The following SUCLG2 variants were observed in gnomAD, a reference collection of about 807,000 sequenced individuals.
SUCLG2 encodes succinate--CoA ligase [GDP-forming] subunit beta, mitochondrial.
Under a neutral mutation model 47.9 loss-of-function variants are expected in SUCLG2, and 42 were observed. The ratio of observed to expected loss-of-function variants is 0.88; its 90% CI spans 0.69 to 1.14. The LOEUF is 1.14. Ranked by LOEUF, SUCLG2 falls within the 50% of genes most tolerant of loss-of-function variation. The probability of loss-of-function intolerance (pLI) is 0.00; values close to 1 mark genes in which losing one functional copy is unlikely to be tolerated. For missense variants in SUCLG2, 571 were observed against 525.9 expected (o/e 1.09, Z -0.84); for synonymous variants, 195 against 197.3 (o/e 0.99, Z 0.10).
At chr3:67,399,389 G>C (rs188043009) in intron 10 of SUCLG2, among the ~76,000 whole-genome samples, 8 of 152,222 alleles carry the variant, frequency 5.3e-5, no homozygotes, top group Admixed American at 2.6e-4. Context: ...TTGGAATAAA[G>C]ACTGACACAC....
intron 1 of SUCLG2, among the ~76,000 whole-genome samples, chr3:67,616,271 T>C (rs1700626910): frequency 6.6e-6 from 1 of 152,200 alleles, no homozygotes; most frequent in Non-Finnish European, 1.5e-5. Flanking sequence ...GATAACAGCA[T>C]TGACTAATCT....
intron 1 of SUCLG2, among the ~76,000 whole-genome samples, chr3:67,638,140 AT>A (rs953061382): frequency 3.0e-4 from 45 of 152,334 alleles, no homozygotes; most frequent in African/African-American, 1.1e-3. Context: ...AGACTCTATT[AT>A]TTACAAGTTG....
chr3:67,646,728 A>G (rs1381581324), intron 1 of SUCLG2, among the ~76,000 whole-genome samples: 1 of 152,208 alleles, frequency 6.6e-6, no homozygotes, highest in African/African-American at 2.4e-5. Context: ...GCTGAAGGCA[A>G]GAGTTAAACC....
At chr3:67,420,061 TTTA>T (rs2106856402) in intron 9 of SUCLG2, among the ~76,000 whole-genome samples, 2 of 152,302 alleles carry the variant, frequency 1.3e-5, no homozygotes, top group African/African-American at 4.8e-5. Context: ...GTTGGCTTGA[TTTA>T]TTATTATGGT....
intron 10 of SUCLG2, among the ~76,000 whole-genome samples, chr3:67,379,648 A>G (rs371124679): frequency 2.6e-5 from 4 of 152,234 alleles, no homozygotes; most frequent in African/African-American, 9.6e-5. Flanking sequence ...AATGATTTAG[A>G]AATTCATGAG....
chr3:67,363,732 A>G (rs1212013203), intron 10 of SUCLG2, among the ~76,000 whole-genome samples: 1 of 152,146 alleles, frequency 6.6e-6, no homozygotes, highest in Non-Finnish European at 1.5e-5. Context: ...ATATGGTTTA[A>G]AAAAAGGGTA....
intron 4 of SUCLG2, among the ~76,000 whole-genome samples, chr3:67,523,386 G>A (rs988128249): frequency 1.3e-5 from 2 of 152,132 alleles, no homozygotes; most frequent in African/African-American, 4.8e-5. Context: ...CATGGTGTTA[G>A]AATTAGCACA....
chr3:67,385,224 C>G (rs1358735740), intron 10 of SUCLG2, among the ~76,000 whole-genome samples: 2 of 152,114 alleles, frequency 1.3e-5, no homozygotes, highest in Admixed American at 6.6e-5. Flanking sequence ...TGGTACCTGC[C>G]CAGTTTTAAA....
Position 67,375,784 on chromosome 3 carries a change from T to A in SUCLG2, c.1259A>T (p.Asp420Val). 2.5e-6 allele frequency: 4 copies of A among 1,613,898 alleles called. No individual in the cohort carries two copies. Among genetic ancestry groups the A allele is most frequent in the Non-Finnish European group, 3.4e-6 (4 of 1,179,914 alleles). Residue 420 changes from aspartate to valine, a missense_variant, in exon 11 of 11, where the codon GAT becomes GTT. Transcript: ENST00000307227. The stretch of plus-strand genomic sequence containing the variant: ...ACTGGCCACAGCCTTCTTGGCTGCA[T>A]CCTCCAGGTCAATGGCTGAAGTAAT... ...LPITSAIDLE[D>V]AAKKAVASVA... is the part of the protein sequence containing the mutation.
chr3:67,529,737 TA>T (rs1176810345), intron 2 of SUCLG2, among the ~76,000 whole-genome samples: 1 of 152,214 alleles, frequency 6.6e-6, no homozygotes, highest in Non-Finnish European at 1.5e-5. Flanking sequence ...GGATTAAAAC[TA>T]AAAGCAAGCA....
At chr3:67,551,397 T>C (rs1707010785) in intron 2 of SUCLG2, among the ~76,000 whole-genome samples, 1 of 152,208 alleles carries the variant, frequency 6.6e-6, no homozygotes, top group African/African-American at 2.4e-5. Context: ...TTTTCGATAG[T>C]CTCCCTTTTG....
intron 2 of SUCLG2, among the ~76,000 whole-genome samples, chr3:67,544,399 C>T (rs1162872489): frequency 6.6e-6 from 1 of 152,056 alleles, no homozygotes; most frequent in Non-Finnish European, 1.5e-5. Context: ...TGGGTAAGTT[C>T]TTACAAGATA....
At chr3:67,408,202 T>C (rs992186881) in intron 9 of SUCLG2, among the ~76,000 whole-genome samples, 1 of 152,200 alleles carries the variant, frequency 6.6e-6, no homozygotes, top group South Asian at 2.1e-4. Flanking sequence ...AATTATTTTC[T>C]TTTGTGTGAC....
chr3:67,396,011 C>A (rs1400374222), intron 10 of SUCLG2, among the ~76,000 whole-genome samples: 17 of 152,036 alleles, frequency 1.1e-4, no homozygotes, highest in Admixed American at 1.0e-3. Flanking sequence ...CTCTGGGACA[C>A]ATTCAAAGCA....
intron 1 of SUCLG2, among the ~76,000 whole-genome samples, chr3:67,615,251 A>G (rs925937719): frequency 8.2e-6 from 1 of 121,852 alleles, no homozygotes; most frequent in African/African-American, 3.3e-5. Flanking sequence ...ACAGCTACAC[A>G]GAAAAAAAAA....
At chr3:67,592,010 A>G (rs1575801737) in intron 2 of SUCLG2, among the ~76,000 whole-genome samples, 2 of 152,332 alleles carry the variant, frequency 1.3e-5, no homozygotes, top group South Asian at 4.1e-4. Context: ...GTATTGATTG[A>G]TTTCCATACA....
intron 9 of SUCLG2, among the ~76,000 whole-genome samples, chr3:67,434,119 G>C (rs1703557218): frequency 1.3e-5 from 2 of 152,184 alleles, no homozygotes; most frequent in South Asian, 4.1e-4. Flanking sequence ...AGGAGCAAAT[G>C]AAATGATCTG....
intron 9 of SUCLG2, among the ~76,000 whole-genome samples, chr3:67,462,882 A>T (rs4328817): frequency 0.15 from 22,846 of 152,036 alleles, 2,310 homozygotes; most frequent in African/African-American, 0.28. Flanking sequence ...CTGAATTTAG[A>T]TAGAGGATGC....
In SUCLG2 at chr3:67,375,724, A is replaced by T. The variant is rs1702021883; in HGVS notation, c.*20T>A. On this transcript the variant is annotated 3_prime_UTR_variant, in exon 11 of 11. Coordinates refer to ENST00000307227, the MANE Select transcript of SUCLG2 (RefSeq NM_003848.4). ...TACGGAAAAATGGCTTTCTTTCTCCATTGGATCAGGACAAAGACATCACTT... is the reference window on the plus strand; with the variant it reads ...TACGGAAAAATGGCTTTCTTTCTCCTTTGGATCAGGACAAAGACATCACTT... The T allele has an allele frequency of 1.2e-6, 2 of 1,602,236 alleles. No homozygotes were observed. The highest frequency in any genetic ancestry group is 3.4e-5 in the Admixed American group (2 of 58,430).
Sources: gnomAD v4.1 joint callset for allele counts (sites outside exome capture counted in the v4.1 genomes callset) on GRCh38, gnomAD v4.1.1 for gene constraint, MANE v1.5 for transcripts, NCBI Gene and HGNC (gene_info 2026-07-23, HGNC 2026-07-21) for gene names.